The following STK10 variants were observed in gnomAD, a reference collection of about 807,000 sequenced individuals.
STK10 encodes the protein serine/threonine-protein kinase 10.
Under a neutral mutation model 113.8 loss-of-function variants are expected in STK10, and 78 were observed. The ratio of observed to expected loss-of-function variants is 0.69; its 90% CI spans 0.57 to 0.83. The LOEUF is 0.83. Ranked by LOEUF, STK10 falls within the 40% of genes least tolerant of loss-of-function variation. The pLI is 0.00. For missense variants in STK10, 1,109 were observed against 1,280.1 expected (o/e 0.87, Z 2.04); for synonymous variants, 465 against 494.7 (o/e 0.94, Z 0.80).
At chr5:172,099,946 C>T (rs909551717) in intron 7 of STK10, among the ~76,000 whole-genome samples, 1 of 152,178 alleles carries the variant, frequency 6.6e-6, no homozygotes, top group Non-Finnish European at 1.5e-5. Flanking sequence ...ACCACCCCAG[C>T]GTCCTTAGGA....
chr5:172,054,029 C>A (rs1028662093), intron 17 of STK10, among the ~76,000 whole-genome samples: 17 of 152,370 alleles, frequency 1.1e-4, no homozygotes, highest in Non-Finnish European at 2.5e-4. Context: ...CTCCCCACCT[C>A]TCCAGAAATT....
chr5:172,124,518 T>C (rs6885870), intron 3 of STK10, among the ~76,000 whole-genome samples: 139,763 of 152,208 alleles, frequency 0.92, 64,478 homozygotes, highest in East Asian at 1. Flanking sequence ...GTATCCTCCC[T>C]GCTACTGTCA....
chr5:172,149,158 C>A (rs1238784317), intron 2 of STK10, among the ~76,000 whole-genome samples: 4 of 152,100 alleles, frequency 2.6e-5, no homozygotes, highest in Non-Finnish European at 5.9e-5. Context: ...CAGAGCAATA[C>A]AAAAGCAAAC....
intron 1 of STK10, among the ~76,000 whole-genome samples, chr5:172,158,591 C>T (rs182647184): frequency 1.3e-5 from 2 of 152,258 alleles, no homozygotes; most frequent in East Asian, 3.9e-4. Flanking sequence ...CATGCGACTG[C>T]ACTCCAGCCT....
Position 172,180,504 on chromosome 5 carries a change from G to C in STK10, c.156+7383C>G, listed in dbSNP as rs368576301. Among the ~76,000 whole-genome samples, 32 of 151,148 alleles carry C rather than the reference G, an allele frequency of 2.1e-4. No homozygotes were observed. The South Asian group carries it at 6.7e-3, about 32-fold the overall frequency. ...AGCCTAAAAGGTAAATTAAAATACAGCAACGGCCAGGTGCAGTGGCTCACG... is the reference window on the plus strand; with the variant it reads ...AGCCTAAAAGGTAAATTAAAATACACCAACGGCCAGGTGCAGTGGCTCACG... On this transcript the variant is annotated intron_variant, in intron 1 of 18. Transcript: ENST00000176763.
At chr5:172,152,581 G>A (rs1770259089) in intron 2 of STK10, among the ~76,000 whole-genome samples, 1 of 152,192 alleles carries the variant, frequency 6.6e-6, no homozygotes, top group Admixed American at 6.5e-5. Context: ...GCTACTGAGT[G>A]TTCGAAATGT....
chr5:172,162,420 T>C (rs1029668627), intron 1 of STK10, among the ~76,000 whole-genome samples: 3 of 152,170 alleles, frequency 2.0e-5, no homozygotes, highest in African/African-American at 7.2e-5. Flanking sequence ...TATCTGGTGC[T>C]TGCTCGCTCA....
chr5:172,072,563 T>C (rs1181294471), intron 12 of STK10, among the ~76,000 whole-genome samples: 1 of 152,218 alleles, frequency 6.6e-6, no homozygotes, highest in African/African-American at 2.4e-5. Context: ...CCACCGCGCC[T>C]GGCCTCTTTT....
intron 2 of STK10, among the ~76,000 whole-genome samples, chr5:172,142,787 G>T (rs753810): frequency 2.0e-5 from 3 of 152,202 alleles, no homozygotes; most frequent in African/African-American, 7.2e-5. Context: ...CTGAGGCTCA[G>T]GAAGATTAAG....
At chr5:172,080,079 C>T (rs1390213056) in intron 12 of STK10, among the ~76,000 whole-genome samples, 3 of 152,112 alleles carry the variant, frequency 2.0e-5, no homozygotes, top group Admixed American at 6.6e-5. Flanking sequence ...TGGTAATTCT[C>T]GCAATATTTC....
intron 4 of STK10, chr5:172,108,056 T>C (rs1424326586): frequency 8.2e-6 from 4 of 490,086 alleles, no homozygotes; most frequent in Non-Finnish European, 1.5e-5. Context: ...AACGAGAGCC[T>C]GCACTGGCAG....
At chr5:172,097,893 A>C (rs567942530) in intron 7 of STK10, among the ~76,000 whole-genome samples, 5 of 152,322 alleles carry the variant, frequency 3.3e-5, no homozygotes, top group African/African-American at 7.2e-5. Context: ...AAAAGGTCTC[A>C]GCGATATTAA....
chr5:172,064,168 T>C (rs57668505), intron 13 of STK10, among the ~76,000 whole-genome samples: 12,253 of 151,954 alleles, frequency 0.081, 716 homozygotes, highest in African/African-American at 0.16. Flanking sequence ...GGACAGTGGC[T>C]GGGGGATCAT....
chr5:172,102,973 C>G (rs759151932), intron 7 of STK10, among the ~76,000 whole-genome samples: 2 of 152,190 alleles, frequency 1.3e-5, no homozygotes, highest in Non-Finnish European at 1.5e-5. Context: ...TGGTTACTAA[C>G]CACAAGTTGG....
intron 2 of STK10, among the ~76,000 whole-genome samples, chr5:172,127,880 C>A (rs190684062): frequency 1.3e-5 from 2 of 152,324 alleles, no homozygotes; most frequent in East Asian, 3.9e-4. Context: ...TCTTCCAGAA[C>A]CCTGGACCTT....
intron 6 of STK10, 91 bp from the exon 7 acceptor site, chr5:172,105,828 C>T (rs1326719824): frequency 8.7e-7 from 1 of 1,152,380 alleles, no homozygotes; most frequent in African/African-American, 1.6e-5. Context: ...CAATCATGCC[C>T]CTCAAAGGAC....
intron 12 of STK10, among the ~76,000 whole-genome samples, chr5:172,077,827 G>A (rs555013612): frequency 1.3e-5 from 2 of 152,094 alleles, no homozygotes; most frequent in African/African-American, 4.8e-5. Flanking sequence ...TGGATCGTAG[G>A]GAAATGGACA....
chr5:172,087,148 GTGTGT>G (rs1768581368), intron 10 of STK10, among the ~76,000 whole-genome samples: 1 of 148,744 alleles, frequency 6.7e-6, no homozygotes, highest in African/African-American at 2.6e-5. Flanking sequence ...GTGTGTGTGT[GTGTGT>G]GGTGTATGCA....
Position 172,172,211 on chromosome 5 carries a change from AT to A in STK10, c.157-15424del, listed in dbSNP as rs552533283. On this transcript the variant is annotated intron_variant, in intron 1 of 18. Transcript: ENST00000176763. Reference sequence around the variant, plus strand: ...ATCTCAAAAAAACAAACAGTATGGCATGCACAGCCCTTCGGAGCACAAAACA... The same window carrying A: ...ATCTCAAAAAAACAAACAGTATGGCAGCACAGCCCTTCGGAGCACAAAACA... Among the ~76,000 whole-genome samples, 671 of 152,256 alleles carry A rather than the reference AT, an allele frequency of 4.4e-3. 5 individuals are homozygous for A. Among genetic ancestry groups the A allele is most frequent in the Non-Finnish European group, 5.9e-3 (401 of 68,012 alleles).
Sources: gnomAD v4.1 joint callset for allele counts (sites outside exome capture counted in the v4.1 genomes callset) on GRCh38, gnomAD v4.1.1 for gene constraint, MANE v1.5 for transcripts, NCBI Gene and HGNC (gene_info 2026-07-23, HGNC 2026-07-21) for gene names.